The following CMPK2 variants were observed in gnomAD, a reference collection of about 807,000 sequenced individuals.
The protein encoded by CMPK2 is cytidine/uridine monophosphate kinase 2.
Under a neutral mutation model 33.4 loss-of-function variants are expected in CMPK2, and 32 were observed. The observed-to-expected ratio is 0.96, with a 90% CI of 0.72 to 1.29. The LOEUF is 1.29. Ranked by LOEUF, CMPK2 falls within the 50% of genes most tolerant of loss-of-function variation. The probability of loss-of-function intolerance (pLI) is 0.00; values close to 1 mark genes in which losing one functional copy is unlikely to be tolerated. For synonymous variants in CMPK2, 299 were observed against 275.3 expected, an observed-to-expected ratio of 1.09 and a Z score of -0.85; for missense variants, 672 against 616.0, an observed-to-expected ratio of 1.09 and a Z score of -0.96.
downstream of CMPK2, among the ~76,000 whole-genome samples, chr2:6,844,581 T>C (rs1289259150): frequency 6.6e-6 from 1 of 152,216 alleles, no homozygotes; most frequent in Non-Finnish European, 1.5e-5. Flanking sequence ...TCAACTCATC[T>C]ATGGGATCAT....
chr2:6,845,681 A>T (rs1200152957), downstream of CMPK2, among the ~76,000 whole-genome samples: 1 of 152,238 alleles, frequency 6.6e-6, no homozygotes, highest in South Asian at 2.1e-4. Context: ...ATTCTGTAGT[A>T]GTTGGGTTTG....
chr2:6,851,763 T>C, intron 3 of CMPK2, 80 bp from the exon 4 acceptor site: 1 of 1,365,772 alleles, frequency 7.3e-7, no homozygotes. Flanking sequence ...CCAGGAATGA[T>C]GAAACCAGGG....
At chr2:6,858,659 C>T (rs1662786239) in intron 3 of CMPK2, among the ~76,000 whole-genome samples, 2 of 152,192 alleles carry the variant, frequency 1.3e-5, no homozygotes, top group African/African-American at 4.8e-5. Flanking sequence ...TGTCTGCTGC[C>T]ATGTGAGATG....
Position 6,854,977 on chromosome 2 carries a change from C to T in CMPK2, c.993-3294G>A, listed in dbSNP as rs150955257. Among the ~76,000 whole-genome samples, 707 of 152,038 alleles carry T rather than the reference C, an allele frequency of 4.7e-3. 6 individuals are homozygous for T. The highest frequency in any genetic ancestry group is 0.016 in the African/African-American group (672 of 41,482). On this transcript the variant is annotated intron_variant, in intron 3 of 4. Coordinates refer to ENST00000256722, the MANE Select transcript of CMPK2 (RefSeq NM_207315.4). Reference sequence around the variant, plus strand: ...CTAGGACATAATGGACCTCGAAAGTCATACCCTACTAGGAAAACCTTAGTC... The same window carrying T: ...CTAGGACATAATGGACCTCGAAAGTTATACCCTACTAGGAAAACCTTAGTC...
At chr2:6,841,872 A>G (rs1392370927) in intron 3 of CMPK2, among the ~76,000 whole-genome samples, 1 of 152,220 alleles carries the variant, frequency 6.6e-6, no homozygotes, top group Non-Finnish European at 1.5e-5. Flanking sequence ...GGTATTTAAT[A>G]AAAGAGCCAT....
chr2:6,848,380 G>T lies in CMPK2; in HGVS notation c.*1470C>A. On this transcript the variant is annotated 3_prime_UTR_variant, in exon 5 of 5. Transcript: ENST00000256722. Reference sequence around the variant, plus strand: ...GGACATAAAGATACATTAATTGTTTGTTTTTCTAGGCTGCCAGTATAAGCT... The same window carrying T: ...GGACATAAAGATACATTAATTGTTTTTTTTTCTAGGCTGCCAGTATAAGCT... 1 of 985,238 alleles carries T rather than the reference G, an allele frequency of 1.0e-6. No individual in the cohort carries two copies. The highest frequency in any genetic ancestry group is 1.2e-6 in the Non-Finnish European group (1 of 829,758). 61.0% of individuals were successfully genotyped at this position (985,238 alleles called of 1,614,324 possible). A position where few individuals can be genotyped will look rare whatever the true frequency, so the allele number is the denominator to read the frequency against.
upstream of CMPK2, chr2:6,865,932 G>A (rs1408469571): frequency 7.3e-7 from 1 of 1,374,896 alleles, no homozygotes; most frequent in Non-Finnish European, 9.5e-7. Context: ...CGGCGCTCGG[G>A]AGCAGACGCT....
Position 6,849,226 on chromosome 2 carries a change from G to A in CMPK2, c.*624C>T. The A allele has an allele frequency of 1.0e-6, 1 of 985,414 alleles. No homozygotes were observed. The highest frequency in any genetic ancestry group is 1.2e-6 in the Non-Finnish European group (1 of 829,932). 61.0% of individuals were successfully genotyped at this position (985,414 alleles called of 1,614,324 possible). A position where few individuals can be genotyped will look rare whatever the true frequency, so the allele number is the denominator to read the frequency against. ...TATATGACTCAGAAGCCTATCAAAAGGGCTCTGAGCCTCAGACACAAGATC... is the reference window on the plus strand; with the variant it reads ...TATATGACTCAGAAGCCTATCAAAAAGGCTCTGAGCCTCAGACACAAGATC... On this transcript the variant is annotated 3_prime_UTR_variant, in exon 5 of 5. Coordinates refer to ENST00000256722, the MANE Select transcript of CMPK2 (RefSeq NM_207315.4).
Position 6,849,711 on chromosome 2 carries a change from T to C in CMPK2, c.*139A>G. 6.6e-7 allele frequency: 1 copy of C among 1,518,964 alleles called. No individual in the cohort carries two copies. The highest frequency in any genetic ancestry group is 1.3e-5 in the South Asian group (1 of 75,880). The allele number at this position is 1,518,964 out of a possible 1,614,324, so 94.1% of individuals were successfully genotyped here. A position where few individuals can be genotyped will look rare whatever the true frequency, so the allele number is the denominator to read the frequency against. The stretch of plus-strand genomic sequence containing the variant: ...AGAGGGTACGATGGCTGAAGTAAAA[T>C]TAAGATGCCTGGTCTCCAGTTTTCT... On this transcript the variant is annotated 3_prime_UTR_variant, in exon 5 of 5. Transcript: ENST00000256722.
At chr2:6,863,405 G>T in intron 2 of CMPK2, 59 bp downstream of exon 2, 1 of 1,443,872 alleles carries the variant, frequency 6.9e-7, no homozygotes, top group Non-Finnish European at 9.7e-7. Context: ...AAGTATTTCT[G>T]TTTCTGCAAC....
In CMPK2 at chr2:6,865,655, C is replaced by T. The variant is rs1394475920; in HGVS notation, c.42G>A (p.Gly14=). Residue 14 remains glycine, a synonymous_variant, in exon 1 of 5, where the codon GGG becomes GGA. Transcript: ENST00000256722. ...AGACCCCGCGCCGCCCGAGCAGCGG[C>T]CCCGACAGTGGCCCGCGCAGGAGCC... ...ARRLLRGPLS[G]PLLGRRGVCA... is the part of the protein sequence containing the mutation. 3 of 1,331,186 alleles carry T rather than the reference C, an allele frequency of 2.3e-6. No individual in the cohort carries two copies. Among genetic ancestry groups the T allele is most frequent in the South Asian group, 2.0e-5 (1 of 49,610 alleles). The allele number at this position is 1,331,186 out of a possible 1,614,324, so 82.5% of individuals were successfully genotyped here.
intron 3 of CMPK2, 150 bp downstream of exon 3, chr2:6,861,034 T>C (rs1231524016): frequency 1.6e-6 from 1 of 637,792 alleles, no homozygotes; most frequent in Non-Finnish European, 2.7e-6. Flanking sequence ...ATTCCTATTA[T>C]TATCATAATA....
At chr2:6,847,393 T>C (rs183984241), downstream of CMPK2, among the ~76,000 whole-genome samples, 213 of 152,252 alleles carry the variant, frequency 1.4e-3, no homozygotes, top group African/African-American at 5.0e-3. Flanking sequence ...AGGACAAAGG[T>C]GTTTTTATGC....
chr2:6,865,981 C>T (rs1247269795), upstream of CMPK2: 23 of 916,248 alleles, frequency 2.5e-5, no homozygotes, highest in African/African-American at 5.4e-5. Context: ...CGCGGGCCTG[C>T]GCGGTCCCCA....
Position 6,849,117 on chromosome 2 carries a change from A to G in CMPK2, c.*733T>C. On this transcript the variant is annotated 3_prime_UTR_variant, in exon 5 of 5. Coordinates refer to ENST00000256722, the MANE Select transcript of CMPK2 (RefSeq NM_207315.4). The stretch of plus-strand genomic sequence containing the variant: ...ATTCAGAGCCATACTTTAGAAAAAA[A>G]GAAAAGAAATATAAATAAGCAAAAT... 7 of 983,716 alleles carry G rather than the reference A, an allele frequency of 7.1e-6. No individual in the cohort carries two copies. The highest frequency in any genetic ancestry group is 7.2e-6 in the Non-Finnish European group (6 of 828,286). The allele number at this position is 983,716 out of a possible 1,614,324, so 60.9% of individuals were successfully genotyped here.
At chr2:6,844,977 T>A (rs150898959), downstream of CMPK2, among the ~76,000 whole-genome samples, 45 of 152,274 alleles carry the variant, frequency 3.0e-4, no homozygotes, top group East Asian at 8.5e-3. Context: ...CACCCAGAAG[T>A]TGCATTTGAG....
chr2:6,857,342 T>G (rs1662737458), intron 3 of CMPK2, among the ~76,000 whole-genome samples: 1 of 151,668 alleles, frequency 6.6e-6, no homozygotes, highest in African/African-American at 2.4e-5. Context: ...TTTTTTTTTT[T>G]TTTTTGAGAC....
chr2:6,851,685 T>A lies in CMPK2; in HGVS notation c.993-2A>T. 1 of 1,613,660 alleles carries A rather than the reference T, an allele frequency of 6.2e-7. No homozygotes were observed. Among genetic ancestry groups the A allele is most frequent in the Non-Finnish European group, 8.5e-7 (1 of 1,179,692 alleles). ...TAGGTGGCCGTGCTGTGCCAGTACC[T>A]GAGAAGGAATGGGGTAGTGAGTTCT... On this transcript the variant is annotated splice_acceptor_variant, in intron 3 of 4. Transcript: ENST00000256722. LOFTEE classifies it high-confidence loss of function.
At chr2:6,854,943 G>T (rs1227836641) in intron 3 of CMPK2, among the ~76,000 whole-genome samples, 4 of 151,794 alleles carry the variant, frequency 2.6e-5, no homozygotes, top group Non-Finnish European at 4.4e-5. Context: ...TTCAGGATCC[G>T]CAGGCATCCT....
Sources: gnomAD v4.1 joint callset for allele counts (sites outside exome capture counted in the v4.1 genomes callset) on GRCh38, gnomAD v4.1.1 for gene constraint, MANE v1.5 for transcripts, NCBI Gene and HGNC (gene_info 2026-07-23, HGNC 2026-07-21) for gene names.